Variants in FAM163A observed in about 807,000 individuals in gnomAD.
FAM163A encodes family with sequence similarity 163 member A, also known as protein FAM163A.
In FAM163A, 7 loss-of-function variants were observed where a neutral mutation model predicts 12.0. The observed-to-expected ratio is 0.58, with a 90% CI of 0.33 to 1.10. The LOEUF (loss-of-function observed/expected upper bound fraction) is 1.10, where lower values mean the gene tolerates loss of function less well. FAM163A is among the 50% of genes least tolerant of loss of function. The probability of loss-of-function intolerance (pLI) is 0.03; values close to 1 mark genes in which losing one functional copy is unlikely to be tolerated. For synonymous variants in FAM163A, 101 were observed against 91.0 expected (o/e 1.11, Z -0.62); for missense variants, 202 against 218.6 (o/e 0.92, Z 0.48).
intron 1 of FAM163A, among the ~76,000 whole-genome samples, chr1:179,801,118 G>T (rs185425107): frequency 1.3e-5 from 2 of 152,190 alleles, no homozygotes; most frequent in Admixed American, 6.5e-5. Flanking sequence ...ACCCAGATAG[G>T]CACATCTGGA....
Position 179,780,486 on chromosome 1 carries a change from G to A in FAM163A, c.-135-27312G>A, listed in dbSNP as rs137858574. Among the ~76,000 whole-genome samples, 30 of 152,288 alleles carry A rather than the reference G, an allele frequency of 2.0e-4. No homozygotes were observed. The East Asian group carries it at 4.1e-3, about 21-fold the overall frequency. ...AGCCAAACGCATAAGCTCGGTGATC[G>A]TTCTTCCTTGCTGTGACCATTAGTC... On this transcript the variant is annotated intron_variant, in intron 1 of 4. Transcript: ENST00000341785.
In FAM163A at chr1:179,813,142, G is replaced by T. The variant is rs139045946; in HGVS notation, c.45G>T (p.Thr15=). 29 of 1,551,800 alleles carry T rather than the reference G, an allele frequency of 1.9e-5. No homozygotes were observed. Among genetic ancestry groups the T allele is most frequent in the Non-Finnish European group, 6.1e-6 (7 of 1,147,090 alleles). Residue 15 remains threonine, a synonymous_variant, in exon 4 of 5, where the codon ACG becomes ACT. Transcript: ENST00000341785. The stretch of plus-strand genomic sequence containing the variant: ...TGATCACTGGCGGAATCCTAGCTAC[G>T]GTGATCCTCCTCTGCATCATTGCCG... ...TVVITGGILA[T]VILLCIIAVL...
At chr1:179,767,073 G>C (rs949981599) in intron 1 of FAM163A, among the ~76,000 whole-genome samples, 45 of 151,988 alleles carry the variant, frequency 3.0e-4, no homozygotes, top group African/African-American at 1.1e-3. Flanking sequence ...CTTTTTCGAA[G>C]CTACAAACAG....
chr1:179,739,011 C>G (rs1037901327), upstream of FAM163A, among the ~76,000 whole-genome samples: 7 of 152,046 alleles, frequency 4.6e-5, no homozygotes, highest in African/African-American at 1.7e-4. Context: ...CAAAAATAAA[C>G]CCACACAACT....
chr1:179,736,925 G>A, the FAM163A span, among the ~76,000 whole-genome samples: 703 of 152,066 alleles, frequency 4.6e-3, 5 homozygotes, highest in African/African-American at 0.016. Context: ...CAGCTGCTGC[G>A]GTAAATAATA....
intron 1 of FAM163A, among the ~76,000 whole-genome samples, chr1:179,745,618 T>C (rs895454964): frequency 6.6e-6 from 1 of 152,242 alleles, no homozygotes; most frequent in Non-Finnish European, 1.5e-5. Flanking sequence ...AAAAGTGCCC[T>C]GGGGTTTAGA....
chr1:179,736,363 A>G, the FAM163A span, among the ~76,000 whole-genome samples: 1 of 152,330 alleles, frequency 6.6e-6, no homozygotes, highest in South Asian at 2.1e-4. Context: ...AAAAATGGAC[A>G]AAGAACCTGA....
In FAM163A at chr1:179,746,494, A is replaced by G. The variant is rs1388168651; in HGVS notation, c.-136+3071A>G. Among the ~76,000 whole-genome samples, 3 of 152,208 alleles carry G rather than the reference A, an allele frequency of 2.0e-5. No homozygotes were observed. The East Asian group carries it at 5.8e-4, about 29-fold the overall frequency. ...GATATATGGCTAAGTGGAAAAAACA[A>G]CATGCCTGGAGTGTTTATAATATGC... is the stretch of plus-strand genomic sequence containing the variant. On this transcript the variant is annotated intron_variant, in intron 1 of 4. Transcript: ENST00000341785.
intron 1 of FAM163A, among the ~76,000 whole-genome samples, chr1:179,757,148 A>G (rs1287692400): frequency 3.5e-5 from 3 of 86,864 alleles, no homozygotes; most frequent in Admixed American, 1.5e-4. Context: ...GAAAAGAGAG[A>G]TAGTTGGGAT....
intron 1 of FAM163A, among the ~76,000 whole-genome samples, chr1:179,767,626 C>T (rs563244282): frequency 3.9e-5 from 6 of 152,228 alleles, no homozygotes; most frequent in African/African-American, 1.4e-4. Flanking sequence ...CCCTGTCCCC[C>T]ACTCCTACCT....
chr1:179,787,876 C>G (rs959977631), intron 1 of FAM163A, among the ~76,000 whole-genome samples: 4 of 152,276 alleles, frequency 2.6e-5, no homozygotes, highest in African/African-American at 9.6e-5. Context: ...GCACATTTAA[C>G]CCCCCAGCCT....
At chr1:179,796,787 G>GT (rs1692392619) in intron 1 of FAM163A, among the ~76,000 whole-genome samples, 1 of 152,256 alleles carries the variant, frequency 6.6e-6, no homozygotes, top group African/African-American at 2.4e-5. Context: ...GGGAAAGGCT[G>GT]TAGACACTGT....
chr1:179,786,817 A>C (rs546985510), intron 1 of FAM163A, among the ~76,000 whole-genome samples: 3 of 152,298 alleles, frequency 2.0e-5, no homozygotes, highest in Admixed American at 2.0e-4. Context: ...GTCTCAGCCC[A>C]AGGCCTCTGT....
chr1:179,803,376 C>T (rs370491388), intron 1 of FAM163A, among the ~76,000 whole-genome samples: 3 of 152,282 alleles, frequency 2.0e-5, no homozygotes, highest in African/African-American at 2.4e-5. Flanking sequence ...CAGCATTCAT[C>T]CAGGCAGTGA....
At chr1:179,813,672 C>G in intron 4 of FAM163A, 107 bp from the exon 5 acceptor site, 1 of 1,326,632 alleles carries the variant, frequency 7.5e-7, no homozygotes, top group Non-Finnish European at 1.0e-6. Flanking sequence ...GTGCCTGGCA[C>G]TAGGTTCTCC....
chr1:179,766,878 C>T (rs1438407715), intron 1 of FAM163A, among the ~76,000 whole-genome samples: 1 of 152,098 alleles, frequency 6.6e-6, no homozygotes, highest in African/African-American at 2.4e-5. Flanking sequence ...GCTTCAGCCT[C>T]CCAAGTAGCT....
At chr1:179,791,937 C>T (rs1276315329) in intron 1 of FAM163A, among the ~76,000 whole-genome samples, 2 of 152,110 alleles carry the variant, frequency 1.3e-5, no homozygotes, top group Non-Finnish European at 2.9e-5. Context: ...TCCTTTATTC[C>T]GATGTCTTCC....
chr1:179,803,871 C>G (rs1693545369), intron 1 of FAM163A: 1 of 151,244 alleles, frequency 6.6e-6, no homozygotes, highest in African/African-American at 2.4e-5. Context: ...CCAGCCAGGC[C>G]CCCCATTCTG....
chr1:179,781,950 AAAAAAAAG>A (rs993618363), intron 1 of FAM163A, among the ~76,000 whole-genome samples: 1 of 117,504 alleles, frequency 8.5e-6, no homozygotes, highest in African/African-American at 3.1e-5. Context: ...AAAAAAAAAA[AAAAAAAAG>A]ACGTCTTGCT....
Sources: allele counts gnomAD v4.1 joint callset (sites outside exome capture counted in the v4.1 genomes callset), GRCh38; gene constraint gnomAD v4.1.1; transcripts MANE v1.5; gene names NCBI Gene and HGNC (gene_info 2026-07-23, HGNC 2026-07-21).